Variants in XPO7 observed in about 807,000 individuals in gnomAD.
The protein encoded by XPO7 is exportin-7.
In XPO7, 21 loss-of-function variants were observed where a neutral mutation model predicts 144.3. That is an observed-to-expected ratio of 0.15 (90% CI 0.10 to 0.21). XPO7 has a LOEUF of 0.21. Among genes scored for constraint, XPO7 ranks in the 10% least tolerant of loss-of-function variants. The probability of loss-of-function intolerance (pLI) is 1.00; values close to 1 mark genes in which losing one functional copy is unlikely to be tolerated. For missense variants in XPO7, 808 were observed against 1,325.8 expected (o/e 0.61, Z 6.06); for synonymous variants, 580 against 499.6 (o/e 1.16, Z -2.15).
chr8:21,922,752 A>C (rs1045351680), intron 1 of XPO7, among the ~76,000 whole-genome samples: 1 of 152,208 alleles, frequency 6.6e-6, no homozygotes, highest in Non-Finnish European at 1.5e-5. Flanking sequence ...GAATTATATT[A>C]GTTTTACCAT....
At chr8:21,953,371 A>G (rs1336399023) in intron 1 of XPO7, among the ~76,000 whole-genome samples, 2 of 152,168 alleles carry the variant, frequency 1.3e-5, no homozygotes, top group Admixed American at 6.6e-5. Flanking sequence ...GAATCACCCA[A>G]TAATGTAGCC....
chr8:21,965,361 C>T (rs777827336), intron 1 of XPO7, among the ~76,000 whole-genome samples: 21 of 152,104 alleles, frequency 1.4e-4, no homozygotes, highest in Non-Finnish European at 2.1e-4. Flanking sequence ...TTATTTTCTA[C>T]TTGTGTTCAT....
At chr8:22,002,399 C>T (rs926880715) in intron 25 of XPO7, 127 bp downstream of exon 25, 9 of 1,201,970 alleles carry the variant, frequency 7.5e-6, no homozygotes, top group South Asian at 1.6e-5. Context: ...AGATGAAGTC[C>T]GTGTCTTAAA....
chr8:21,935,868 C>T (rs1326459514), intron 1 of XPO7, among the ~76,000 whole-genome samples: 1 of 152,098 alleles, frequency 6.6e-6, no homozygotes, highest in Non-Finnish European at 1.5e-5. Flanking sequence ...CTCTCTGTCT[C>T]GTCTGCAAAT....
intron 1 of XPO7, among the ~76,000 whole-genome samples, chr8:21,943,644 A>G (rs1286785069): frequency 1.3e-5 from 2 of 152,006 alleles, no homozygotes; most frequent in African/African-American, 4.8e-5. Context: ...CTTCCCTCCT[A>G]TTTTCCCACT....
chr8:21,970,803 T>C (rs1812032251), intron 4 of XPO7, among the ~76,000 whole-genome samples: 1 of 151,712 alleles, frequency 6.6e-6, no homozygotes, highest in South Asian at 2.1e-4. Context: ...ATAATGGAAC[T>C]GGAAAAAAAA....
At chr8:21,943,131 A>G (rs1212973351) in intron 1 of XPO7, among the ~76,000 whole-genome samples, 3 of 152,210 alleles carry the variant, frequency 2.0e-5, no homozygotes, top group Non-Finnish European at 1.5e-5. Flanking sequence ...AGTAACCCCC[A>G]GGAGCCCATG....
intron 5 of XPO7, among the ~76,000 whole-genome samples, chr8:21,974,320 C>T (rs1042368100): frequency 6.6e-6 from 1 of 152,094 alleles, no homozygotes. Flanking sequence ...TGAGTCACCA[C>T]GCCTGGCCCA....
intron 14 of XPO7, 78 bp downstream of exon 14, chr8:21,987,354 A>T: frequency 6.3e-7 from 1 of 1,577,140 alleles, no homozygotes; most frequent in East Asian, 2.2e-5. Context: ...ACAGTTGCTG[A>T]TAGTTCACAT....
intron 8 of XPO7, among the ~76,000 whole-genome samples, chr8:21,978,854 A>G (rs1424969994): frequency 2.6e-5 from 4 of 152,156 alleles, no homozygotes; most frequent in South Asian, 2.1e-4. Context: ...TCTGCCCTCT[A>G]ATCTCCTGCT....
At chr8:21,957,463 TTCATTTAAG>T (rs1356895525) in intron 1 of XPO7, among the ~76,000 whole-genome samples, 1 of 152,196 alleles carries the variant, frequency 6.6e-6, no homozygotes, top group Non-Finnish European at 1.5e-5. Flanking sequence ...GCTTTCTTAG[TTCATTTAAG>T]TCAGTTACCA....
At chr8:21,952,834 T>C (rs1430656256) in intron 1 of XPO7, among the ~76,000 whole-genome samples, 1 of 152,226 alleles carries the variant, frequency 6.6e-6, no homozygotes, top group South Asian at 2.1e-4. Context: ...TGTCATGTTT[T>C]AGTATTAAAT....
chr8:21,990,493 G>A, intron 17 of XPO7, 86 bp downstream of exon 17: 2 of 1,465,490 alleles, frequency 1.4e-6, no homozygotes, highest in East Asian at 2.3e-5. Context: ...GTAAACTGAG[G>A]TCCCGGGTAT....
In XPO7 at chr8:22,002,416, G is replaced by A. The variant is rs958764322; in HGVS notation, c.2943+144G>A. On this transcript the variant is annotated intron_variant, in intron 25 of 27. Transcript: ENST00000252512. ...ATGAAGTCCGTGTCTTAAAGTTGCA[G>A]TGGATTTTGAGTTTGCCAAGTAATC... The A allele has an allele frequency of 3.4e-5, 37 of 1,102,228 alleles. 1 individual carries two copies. In the South Asian group the frequency reaches 5.6e-4, roughly 17 times the overall value. The allele number at this position is 1,102,228 out of a possible 1,614,324, so 68.3% of individuals were successfully genotyped here.
chr8:21,957,162 G>A (rs538237607), intron 1 of XPO7, among the ~76,000 whole-genome samples: 4 of 151,962 alleles, frequency 2.6e-5, no homozygotes, highest in Admixed American at 2.0e-4. Flanking sequence ...GAAATTTCTC[G>A]GTGGATCCTA....
intron 1 of XPO7, among the ~76,000 whole-genome samples, chr8:21,937,401 C>A (rs1268405652): frequency 2.0e-5 from 3 of 152,146 alleles, no homozygotes; most frequent in East Asian, 1.9e-4. Flanking sequence ...TCTTAGTACG[C>A]ATGTAATAGG....
At chr8:21,982,865 T>TC in intron 11 of XPO7, 53 bp downstream of exon 11, 1 of 1,532,002 alleles carries the variant, frequency 6.5e-7, no homozygotes, top group South Asian at 1.3e-5. Context: ...TTGTCACACT[T>TC]CCTAGAGATC....
chr8:21,976,992 T>C (rs1022914863), intron 7 of XPO7, among the ~76,000 whole-genome samples: 1 of 152,320 alleles, frequency 6.6e-6, no homozygotes, highest in East Asian at 1.9e-4. Context: ...GGGGAGGTTG[T>C]TGGAGTAATC....
At chr8:21,984,478 T>C (rs1009548118) in intron 11 of XPO7, among the ~76,000 whole-genome samples, 168 bp from the exon 12 acceptor site, 3 of 152,208 alleles carry the variant, frequency 2.0e-5, no homozygotes, top group Non-Finnish European at 2.9e-5. Context: ...GGCGAAGACA[T>C]TGGCCTTCTG....
Sources: gnomAD v4.1 joint callset for allele counts (sites outside exome capture counted in the v4.1 genomes callset) on GRCh38, gnomAD v4.1.1 for gene constraint, MANE v1.5 for transcripts, NCBI Gene and HGNC (gene_info 2026-07-23, HGNC 2026-07-21) for gene names.